TGFBRAP1: variants seen among roughly 807,000 people sequenced by gnomAD.
TGFBRAP1 encodes transforming growth factor-beta receptor-associated protein 1.
Under a neutral mutation model 83.2 loss-of-function variants are expected in TGFBRAP1, and 20 were observed. The ratio of observed to expected loss-of-function variants is 0.24; its 90% CI spans 0.17 to 0.35. The LOEUF is 0.35. TGFBRAP1 is among the 10% of genes least tolerant of loss of function. The pLI, the probability that TGFBRAP1 is intolerant of heterozygous loss-of-function variation, is 1.00. For synonymous variants in TGFBRAP1, 415 were observed against 459.8 expected, an observed-to-expected ratio of 0.90 and a Z score of 1.25; for missense variants, 950 against 1,099.4, an observed-to-expected ratio of 0.86 and a Z score of 1.92.
intron 6 of TGFBRAP1, among the ~76,000 whole-genome samples, chr2:105,279,569 CAG>C (rs1398091096): frequency 1.5e-5 from 2 of 136,556 alleles, no homozygotes; most frequent in African/African-American, 2.5e-5. Context: ...CCAAGGAAGG[CAG>C]AGTTTAAAAC....
downstream of TGFBRAP1, among the ~76,000 whole-genome samples, chr2:105,260,335 G>C (rs932918244): frequency 1.3e-5 from 2 of 152,198 alleles, no homozygotes; most frequent in African/African-American, 2.4e-5. Flanking sequence ...CTTGAACCCG[G>C]GAGGCGGAGG....
At chr2:105,295,835 T>C (rs1678071973) in intron 4 of TGFBRAP1, among the ~76,000 whole-genome samples, 1 of 149,090 alleles carries the variant, frequency 6.7e-6, no homozygotes, top group Non-Finnish European at 1.5e-5. Context: ...AAAAAAAAGT[T>C]CTCCTAAGGA....
chr2:105,273,480 A>T (rs1677229284), intron 9 of TGFBRAP1, 64 bp downstream of exon 9: 5 of 1,587,802 alleles, frequency 3.1e-6, no homozygotes, highest in Non-Finnish European at 4.3e-6. Context: ...CATGCCAAAA[A>T]GTGTTCTAGT....
chr2:105,315,695 G>A (rs773153253), intron 1 of TGFBRAP1, among the ~76,000 whole-genome samples: 4 of 152,072 alleles, frequency 2.6e-5, no homozygotes, highest in Admixed American at 6.6e-5. Flanking sequence ...TAAAAAGATC[G>A]ACAACACCAA....
rs538645725 is a variant in TGFBRAP1 at position 105,314,068 on chromosome 2, G to A, written c.-17-5750C>T. On this transcript the variant is annotated intron_variant, in intron 1 of 11. Coordinates refer to ENST00000393359, the MANE Select transcript of TGFBRAP1 (RefSeq NM_004257.6). The stretch of plus-strand genomic sequence containing the variant: ...TATGACTGTGTCCTTATAAAAAGGG[G>A]AAATTTGTACACAGAGACAGATACA... Among the ~76,000 whole-genome samples the A allele has an allele frequency of 3.3e-5, 5 of 152,008 alleles. No individual in the cohort carries two copies. The South Asian group carries it at 8.3e-4, about 25-fold the overall frequency.
rs769626897 is a variant in TGFBRAP1, at chr2:105,275,719, A to C, written c.1522-16T>G. 1 of 1,586,922 alleles carries C rather than the reference A, an allele frequency of 6.3e-7. No homozygotes were observed. The highest frequency in any genetic ancestry group is 8.5e-7 in the Non-Finnish European group (1 of 1,170,344). Reference sequence around the variant, plus strand: ...TCACCCACAACTGGAAAGGAATCAAAAAGAAAAAAAGAAAAAGAAAAGAAA... The same window carrying C: ...TCACCCACAACTGGAAAGGAATCAACAAGAAAAAAAGAAAAAGAAAAGAAA... On this transcript the variant is annotated splice_polypyrimidine_tract_variant and intron_variant, in intron 7 of 11. Transcript: ENST00000393359.
downstream of TGFBRAP1, among the ~76,000 whole-genome samples, chr2:105,261,510 G>A (rs1676785624): frequency 6.6e-6 from 1 of 152,172 alleles, no homozygotes; most frequent in African/African-American, 2.4e-5. Context: ...TCAGCACTTT[G>A]GGAGGCCGAG....
the TGFBRAP1 span, among the ~76,000 whole-genome samples, chr2:105,253,450 AG>A: frequency 6.6e-6 from 1 of 151,890 alleles, no homozygotes; most frequent in African/African-American, 2.4e-5. Flanking sequence ...TTTTTTTTAA[AG>A]AACAGGGTCT....
rs1676878468 is a variant in TGFBRAP1 at position 105,265,145 on chromosome 2, A to G, written c.*2238T>C. On this transcript the variant is annotated 3_prime_UTR_variant, in exon 12 of 12. Transcript: ENST00000393359. Reference sequence around the variant, plus strand: ...TTCTAAAGGATGACAAACATTTTAGAGTATTGATCAATGTTCAGTGAAAAA... The same window carrying G: ...TTCTAAAGGATGACAAACATTTTAGGGTATTGATCAATGTTCAGTGAAAAA... 6.6e-6 allele frequency: 1 copy of G among 152,236 alleles called. No homozygotes were observed. The highest frequency in any genetic ancestry group is 2.4e-5 in the African/African-American group (1 of 41,460). The allele number at this position is 152,236 out of a possible 1,614,324, so 9.4% of individuals were successfully genotyped here. A position where few individuals can be genotyped will look rare whatever the true frequency, so the allele number is the denominator to read the frequency against.
rs1679114293 is a variant in TGFBRAP1, at chr2:105,323,053, G to C, written c.-18+6572C>G. ...CAAAAGCAAACCATGGTGGTGAGGA[G>C]GAAGGTGAAGGAAAAGGGTGGTATG... On this transcript the variant is annotated intron_variant, in intron 1 of 11. Transcript: ENST00000393359. Among the ~76,000 whole-genome samples, 3 of 152,154 alleles carry C rather than the reference G, an allele frequency of 2.0e-5. No individual in the cohort carries two copies. In the South Asian group the frequency reaches 6.2e-4, roughly 32 times the overall value.
intron 1 of TGFBRAP1, among the ~76,000 whole-genome samples, chr2:105,321,500 A>G (rs188873704): frequency 1.3e-3 from 197 of 152,184 alleles, no homozygotes; most frequent in Non-Finnish European, 1.9e-3. Context: ...CTATTTTGCC[A>G]TTTTAATATA....
intron 1 of TGFBRAP1, among the ~76,000 whole-genome samples, chr2:105,326,933 C>A (rs923108232): frequency 6.6e-6 from 1 of 152,032 alleles, no homozygotes; most frequent in Admixed American, 6.5e-5. Flanking sequence ...TGGGGTAGCA[C>A]CAAATTAAGT....
intron 1 of TGFBRAP1, among the ~76,000 whole-genome samples, chr2:105,326,554 T>C (rs556871605): frequency 6.6e-6 from 1 of 152,144 alleles, no homozygotes; most frequent in African/African-American, 2.4e-5. Flanking sequence ...TCTGTCTCTA[T>C]AGAAGAATAC....
At chr2:105,304,982 G>A (rs1411235386) in intron 2 of TGFBRAP1, among the ~76,000 whole-genome samples, 1 of 152,186 alleles carries the variant, frequency 6.6e-6, no homozygotes, top group African/African-American at 2.4e-5. Context: ...TTAAGGTGGT[G>A]AAAGGATTAT....
chr2:105,321,921 A>G (rs2164718), intron 1 of TGFBRAP1, among the ~76,000 whole-genome samples: 3 of 152,060 alleles, frequency 2.0e-5, no homozygotes, highest in African/African-American at 7.2e-5. Flanking sequence ...ACTCCACTAC[A>G]CTTTTTATCA....
the TGFBRAP1 span, among the ~76,000 whole-genome samples, chr2:105,256,329 C>G: frequency 1.3e-5 from 2 of 152,062 alleles, no homozygotes; most frequent in Non-Finnish European, 2.9e-5. Context: ...TCAAACTGAC[C>G]CCTTTCTCTC....
intron 7 of TGFBRAP1, 33 bp from the exon 8 acceptor site, chr2:105,275,736 G>T (rs377714518): frequency 3.8e-6 from 6 of 1,577,770 alleles, no homozygotes; most frequent in Non-Finnish European, 4.3e-6. Flanking sequence ...AAAAGAAAAA[G>T]AAAAGAAAAA....
At position 105,295,614 on chromosome 2, in the gene TGFBRAP1, C is replaced by T. The variant is rs892174047; in HGVS notation, c.1038+742G>A. ...GATCACGAGGTCAAGGGATCGAGACCATCCTGGCCAACATGGTGAAACCCC... is the reference window on the plus strand; with the variant it reads ...GATCACGAGGTCAAGGGATCGAGACTATCCTGGCCAACATGGTGAAACCCC... On this transcript the variant is annotated intron_variant, in intron 4 of 11. Coordinates refer to ENST00000393359, the MANE Select transcript of TGFBRAP1 (RefSeq NM_004257.6). 2.6e-5 allele frequency among the ~76,000 whole-genome samples: 4 copies of T among 151,892 alleles called. 1 individual carries two copies. Among genetic ancestry groups the T allele is most frequent in the African/African-American group, 9.7e-5 (4 of 41,330 alleles).
chr2:105,272,907 C>G lies in TGFBRAP1; in HGVS notation c.1920G>C (p.Lys640Asn), dbSNP rs1018382969. The part of the protein sequence containing the change: ...KGAEATETQA[K>N]LRRLLQKSDL... ...CAGATTTCTGGAGCAGCCGCCGCAG[C>G]TTGGCCTGCGTCTCGGTGGCCTCTG... The change falls in exon 10 of 12, where the codon AAG becomes AAC. Residue 640 changes from lysine to asparagine, a missense_variant. Physicochemically the swap from Lys to Asn is moderately conservative, Grantham distance 94. Coordinates refer to ENST00000393359, the MANE Select transcript of TGFBRAP1 (RefSeq NM_004257.6). 37 of 1,610,424 alleles carry G rather than the reference C, an allele frequency of 2.3e-5. No individual in the cohort carries two copies. The highest frequency in any genetic ancestry group is 3.1e-5 in the Non-Finnish European group (37 of 1,179,976).
Sources: allele counts gnomAD v4.1 joint callset (sites outside exome capture counted in the v4.1 genomes callset), GRCh38; gene constraint gnomAD v4.1.1; transcripts MANE v1.5; gene names NCBI Gene and HGNC (gene_info 2026-07-23, HGNC 2026-07-21).